The following FREM3 variants were observed in gnomAD, a reference collection of about 807,000 sequenced individuals.
The protein encoded by FREM3 is FRAS1-related extracellular matrix protein 3.
A neutral mutation model predicts 129.1 loss-of-function variants in FREM3; 105 were observed. The observed-to-expected ratio is 0.81, with a 90% CI of 0.69 to 0.96. The LOEUF is 0.96. Among genes scored for constraint, FREM3 ranks in the 40% least tolerant of loss-of-function variants. The probability of loss-of-function intolerance (pLI) is 0.00; values close to 1 mark genes in which losing one functional copy is unlikely to be tolerated. For missense variants in FREM3, 2,593 were observed against 2,666.3 expected, an observed-to-expected ratio of 0.97 and a Z score of 0.61; for synonymous variants, 1,014 against 1,044.9, an observed-to-expected ratio of 0.97 and a Z score of 0.57.
chr4:143,682,956 G>A (rs968057594), intron 2 of FREM3, among the ~76,000 whole-genome samples: 1 of 152,178 alleles, frequency 6.6e-6, no homozygotes, highest in African/African-American at 2.4e-5. Flanking sequence ...TAGGCCCAGT[G>A]TATCACAAGG....
intron 3 of FREM3, among the ~76,000 whole-genome samples, chr4:143,626,766 A>G (rs1232117037): frequency 6.6e-6 from 1 of 151,976 alleles, no homozygotes; most frequent in Non-Finnish European, 1.5e-5. Flanking sequence ...AGACTAGGGA[A>G]AGCTTCCCTT....
intron 2 of FREM3, among the ~76,000 whole-genome samples, chr4:143,689,181 A>T (rs1259051983): frequency 6.6e-6 from 1 of 152,124 alleles, no homozygotes; most frequent in Non-Finnish European, 1.5e-5. Context: ...AATCAGTAAG[A>T]AAAAAACAAA....
chr4:143,616,614 G>A (rs1489766975), intron 5 of FREM3, among the ~76,000 whole-genome samples: 2 of 151,748 alleles, frequency 1.3e-5, no homozygotes, highest in Non-Finnish European at 2.9e-5. Context: ...ATGAAACCCC[G>A]TCTCTACTAA....
Position 143,697,034 on chromosome 4 carries a change from C to T in FREM3, c.3642G>A (p.Gln1214=), listed in dbSNP as rs574286942. The T allele has an allele frequency of 6.0e-5, 92 of 1,537,556 alleles. 1 individual carries two copies. In the South Asian group the frequency reaches 9.4e-4, roughly 16 times the overall value. Residue 1214 remains glutamine, a synonymous_variant, in exon 1 of 8, where the codon CAG becomes CAA. Coordinates refer to ENST00000329798, the MANE Select transcript of FREM3 (RefSeq NM_001168235.2). ...GGTCAGCATCTGCTCCATTAAGCAG[C>T]TGGGTGTCTATGACCAGGCTCATCC... ...LEGMSLVIDT[Q]LLNGADADLP...
chr4:143,647,924 AT>A (rs1173026930), intron 2 of FREM3, among the ~76,000 whole-genome samples: 1 of 152,192 alleles, frequency 6.6e-6, no homozygotes, highest in African/African-American at 2.4e-5. Context: ...TGGTAGAACC[AT>A]TAACAGCTTA....
rs1228752862 is a variant in FREM3 at position 143,700,179 on chromosome 4, T to C, written c.497A>G (p.Gln166Arg). 1 of 1,537,000 alleles carries C rather than the reference T, an allele frequency of 6.5e-7. No homozygotes were observed. The highest frequency in any genetic ancestry group is 1.2e-5 in the South Asian group (1 of 84,068). Reference sequence around the variant, plus strand: ...CCTGTTACGCGTCACCAGCTCCAGCTGGGAGAAGACCAAGTCCACCGCCAG... The same window carrying C: ...CCTGTTACGCGTCACCAGCTCCAGCCGGGAGAAGACCAAGTCCACCGCCAG... ...FTLAVDLVFS[Q>R]LELVTRNRPL... Residue 166 changes from glutamine (Q) to arginine (R), a missense_variant, in exon 1 of 8, where the codon CAG (glutamine) becomes CGG (arginine). Gln to Arg is a conservative substitution (Grantham distance 43, BLOSUM62 1). Coordinates refer to ENST00000329798, the MANE Select transcript of FREM3 (RefSeq NM_001168235.2).
chr4:143,639,166 C>T lies in FREM3; in HGVS notation c.5276-11406G>A, dbSNP rs568639442. ...AGTAAGAAGAGAACAGTTCTTCACC[C>T]GCAGAAATCATAGAAGGAGATAGTA... is the stretch of plus-strand genomic sequence containing the variant. On this transcript the variant is annotated intron_variant, in intron 2 of 7. Transcript: ENST00000329798. Among the ~76,000 whole-genome samples, 9 of 152,182 alleles carry T rather than the reference C, an allele frequency of 5.9e-5. No individual in the cohort carries two copies. In the South Asian group the frequency reaches 8.3e-4, roughly 14 times the overall value.
chr4:143,665,170 G>A (rs557792102), intron 2 of FREM3, among the ~76,000 whole-genome samples: 13 of 151,962 alleles, frequency 8.6e-5, no homozygotes, highest in South Asian at 4.2e-4. Flanking sequence ...GAAATCACCC[G>A]TCTTCTGCGT....
intron 1 of FREM3, among the ~76,000 whole-genome samples, chr4:143,695,045 T>C (rs1305366326): frequency 6.6e-6 from 1 of 152,158 alleles, no homozygotes; most frequent in Non-Finnish European, 1.5e-5. Context: ...TTGAATAGTA[T>C]AATAAAAATG....
intron 2 of FREM3, among the ~76,000 whole-genome samples, chr4:143,669,838 G>A (rs1739935086): frequency 6.6e-6 from 1 of 151,954 alleles, no homozygotes; most frequent in East Asian, 1.9e-4. Flanking sequence ...GACATAGCGG[G>A]TACATGTGCA....
chr4:143,595,368 T>C (rs957604960), intron 6 of FREM3, among the ~76,000 whole-genome samples: 11 of 152,220 alleles, frequency 7.2e-5, no homozygotes, highest in Admixed American at 6.5e-4. Context: ...GGTTCTGTAA[T>C]ATCAGATTTG....
rs1001167232 is a variant in FREM3 at position 143,577,679 on chromosome 4, T to C, written c.6352A>G (p.Lys2118Glu). The C allele has an allele frequency of 1.4e-5, 21 of 1,537,204 alleles. No homozygotes were observed. The Admixed American group carries it at 1.6e-4, about 11-fold the overall frequency. The change falls in exon 8 of 8, where the codon AAA (lysine) becomes GAA (glutamate). Residue 2118 changes from lysine (K) to glutamate (E), a missense_variant. By Grantham distance (56) the Lys-to-Glu change is moderately conservative (BLOSUM62 1). Transcript: ENST00000329798. Reference protein sequence around the residue: ...PMGAVLGEPNKTTIFIEDTIT... With the variant: ...PMGAVLGEPNETTIFIEDTIT... Reference sequence around the variant, plus strand: ...GTGTCCTCGATGAAAATGGTAGTTTTATTTGGTTCTCCAAGCACTGCACCC... The same window carrying C: ...GTGTCCTCGATGAAAATGGTAGTTTCATTTGGTTCTCCAAGCACTGCACCC...
chr4:143,664,274 C>T (rs1739806204), intron 2 of FREM3, among the ~76,000 whole-genome samples: 1 of 152,082 alleles, frequency 6.6e-6, no homozygotes, highest in South Asian at 2.1e-4. Flanking sequence ...GTGTGGATGT[C>T]CTTTCTGTTT....
chr4:143,649,167 C>T (rs1400700247), intron 2 of FREM3: 2 of 152,144 alleles, frequency 1.3e-5, no homozygotes, highest in African/African-American at 4.8e-5. Flanking sequence ...ATATCATTTA[C>T]CAAAAATGTT....
At position 143,696,638 on chromosome 4, in the gene FREM3, G is replaced by A; in HGVS notation, c.4038C>T (p.Leu1346=). 1 of 1,537,836 alleles carries A rather than the reference G, an allele frequency of 6.5e-7. No individual in the cohort carries two copies. Residue 1346 remains leucine (L), a synonymous_variant, in exon 1 of 8, where the codon CTC becomes CTT. Transcript: ENST00000329798. ...DSDDKSLSFV[L]HSGPQQGLLQ... ...GAAGCCCTTGTTGAGGCCCAGAATG[G>A]AGGACAAAACTGAGGCTTTTATCAT...
intron 6 of FREM3, among the ~76,000 whole-genome samples, chr4:143,599,156 A>G (rs1291520981): frequency 6.6e-6 from 1 of 152,180 alleles, no homozygotes; most frequent in Non-Finnish European, 1.5e-5. Context: ...GCTGATTTTT[A>G]AAAAAGAATT....
intron 2 of FREM3, among the ~76,000 whole-genome samples, chr4:143,667,795 C>T (rs543143651): frequency 1.6e-4 from 24 of 152,304 alleles, no homozygotes; most frequent in African/African-American, 5.5e-4. Context: ...GTGAATGAAA[C>T]ATTTTCCCTA....
chr4:143,698,067 C>T lies in FREM3; in HGVS notation c.2609G>A (p.Arg870Gln), dbSNP rs115350446. The T allele has an allele frequency of 1.2e-3, 1,888 of 1,537,290 alleles. 22 individuals are homozygous for T. The African/African-American group carries it at 0.023, about 19-fold the overall frequency. Reference protein sequence around the residue: ...DIDQIVFILVRGPQHGHLQYF... With the variant: ...DIDQIVFILVQGPQHGHLQYF... ...CTGCAAGTGTCCATGTTGGGGACCCCGGACTAATATGAAGACAATTTGGTC... is the reference window on the plus strand; with the variant it reads ...CTGCAAGTGTCCATGTTGGGGACCCTGGACTAATATGAAGACAATTTGGTC... Residue 870 changes from arginine to glutamine, a missense_variant, in exon 1 of 8, where the codon CGG (arginine) becomes CAG (glutamine). By Grantham distance (43) the Arg-to-Gln change is conservative. Coordinates refer to ENST00000329798, the MANE Select transcript of FREM3 (RefSeq NM_001168235.2).
In FREM3 at chr4:143,700,390, C is replaced by T; in HGVS notation, c.286G>A (p.Glu96Lys). 6.5e-7 allele frequency: 1 copy of T among 1,534,824 alleles called. No homozygotes were observed. Among genetic ancestry groups the T allele is most frequent in the Non-Finnish European group, 8.7e-7 (1 of 1,145,998 alleles). Residue 96 changes from glutamate (E) to lysine (K), a missense_variant, in exon 1 of 8, where the codon GAA becomes AAA. Physicochemically the swap from Glu to Lys is moderately conservative, Grantham distance 56 (BLOSUM62 1). This residue lies in a region of FREM3 where 2,276 missense variants were observed against 2,267.2 expected (regional missense o/e 1.00). Coordinates refer to ENST00000329798, the MANE Select transcript of FREM3 (RefSeq NM_001168235.2). The stretch of plus-strand genomic sequence containing the variant: ...GGCAGGGCGTCCAGTACCGTGACTT[C>T]GCACCGGTCCCCCGGCTGCACTCCA... ...VIGVQPGDRC[E>K]VTVLDALPRL...
Sources: gnomAD v4.1 joint callset for allele counts (sites outside exome capture counted in the v4.1 genomes callset) on GRCh38, gnomAD v4.1.1 for gene constraint, gnomAD v4.1.1 regional missense constraint, MANE v1.5 for transcripts, NCBI Gene and HGNC (gene_info 2026-07-23, HGNC 2026-07-21) for gene names.